Variants in ALMS1 observed in about 807,000 individuals in gnomAD.
ALMS1 encodes ALMS1 centrosome and basal body associated protein.
ALMS1 carries 271 observed loss-of-function variants against 352.2 expected under a neutral mutation model. The observed-to-expected ratio is 0.77, with a 90% confidence interval of 0.70 to 0.85. The LOEUF (loss-of-function observed/expected upper bound fraction) is 0.85, where lower values mean the gene tolerates loss of function less well. Among genes scored for constraint, ALMS1 ranks in the 40% least tolerant of loss-of-function variants. The probability of loss-of-function intolerance (pLI) is 0.00; values close to 1 mark genes in which losing one functional copy is unlikely to be tolerated. For synonymous variants in ALMS1, 1,865 were observed against 1,761.2 expected, an observed-to-expected ratio of 1.06 and a Z score of -1.48; for missense variants, 5,445 against 4,870.7, an observed-to-expected ratio of 1.12 and a Z score of -3.51.
chr2:73,414,087 C>T (rs1223287666), intron 2 of ALMS1, among the ~76,000 whole-genome samples: 2 of 152,212 alleles, frequency 1.3e-5, no homozygotes, highest in East Asian at 3.9e-4. Context: ...ATTAAGATTT[C>T]ATTGAGTCTA....
intron 1 of ALMS1, among the ~76,000 whole-genome samples, chr2:73,394,320 A>G (rs1281261167): frequency 2.6e-5 from 4 of 152,108 alleles, no homozygotes; most frequent in East Asian, 3.9e-4. Context: ...CTGTAGATCA[A>G]TTTGGGAGTA....
chr2:73,548,588 T>C (rs1674367091), intron 12 of ALMS1, among the ~76,000 whole-genome samples: 1 of 152,230 alleles, frequency 6.6e-6, no homozygotes, highest in South Asian at 2.1e-4. Flanking sequence ...GTGTACTCCC[T>C]GGGAGAATTT....
Position 73,600,702 on chromosome 2 carries a change from C to T in ALMS1, c.11693C>T (p.Ala3898Val), listed in dbSNP as rs757210357. The T allele has an allele frequency of 6.2e-7, 1 of 1,613,828 alleles. No individual in the cohort carries two copies. Among genetic ancestry groups the T allele is most frequent in the Admixed American group, 1.7e-5 (1 of 59,980 alleles). ...QAGNLEIVNG[A>V]KKHTRDVGIT... ...GGTAACTTGGAGATTGTGAACGGTG[C>T]CAAAAAACACACTCGAGATGTTGGG... The change falls in exon 18 of 23, where the codon GCC (alanine) becomes GTC (valine). Residue 3898 changes from alanine to valine, a missense_variant. Ala to Val is a moderately conservative substitution (Grantham distance 64). Transcript: ENST00000613296.
intron 10 of ALMS1, among the ~76,000 whole-genome samples, chr2:73,496,587 A>C (rs976423197): frequency 1.3e-5 from 2 of 152,148 alleles, no homozygotes; most frequent in African/African-American, 4.8e-5. Flanking sequence ...AATACTAAGA[A>C]AGAGGATTCC....
intron 9 of ALMS1, among the ~76,000 whole-genome samples, chr2:73,468,994 A>G (rs538449992): frequency 2.0e-5 from 3 of 152,022 alleles, no homozygotes; most frequent in South Asian, 2.1e-4. Flanking sequence ...TTGCTTGTCA[A>G]AAACTGTTGA....
chr2:73,498,601 A>G (rs1673157333), intron 10 of ALMS1, among the ~76,000 whole-genome samples: 1 of 150,856 alleles, frequency 6.6e-6, no homozygotes, highest in Non-Finnish European at 1.5e-5. Context: ...CCATCCTTCT[A>G]CTCTCTATGT....
At chr2:73,456,608 A>T (rs1672072017) in intron 9 of ALMS1, among the ~76,000 whole-genome samples, 1 of 152,200 alleles carries the variant, frequency 6.6e-6, no homozygotes, top group Admixed American at 6.5e-5. Context: ...GGCCTGATTC[A>T]TACAAAGTTT....
At chr2:73,425,370 A>G (rs1049818217) in intron 5 of ALMS1, among the ~76,000 whole-genome samples, 4 of 152,320 alleles carry the variant, frequency 2.6e-5, no homozygotes, top group African/African-American at 9.6e-5. Flanking sequence ...ACAGTATATT[A>G]GGAATGTTAT....
Position 73,573,291 on chromosome 2 carries a change from G to T in ALMS1, c.11414G>T (p.Arg3805Leu), listed in dbSNP as rs201646938. 2 of 1,613,916 alleles carry T rather than the reference G, an allele frequency of 1.2e-6. No individual in the cohort carries two copies. The highest frequency in any genetic ancestry group is 1.7e-6 in the Non-Finnish European group (2 of 1,180,008). The change falls in exon 16 of 23, where the codon CGA (arginine) becomes CTA (leucine). Residue 3805 changes from arginine (R) to leucine (L), a missense_variant. Arg to Leu is a moderately radical substitution (Grantham distance 102). Coordinates refer to ENST00000613296, the MANE Select transcript of ALMS1 (RefSeq NM_001378454.1). ...GAAAGAGTATGCTTGTCACCCAGAC[G>T]AATTAAATTATATAGCAGCATCACC... ...GHERVCLSPR[R>L]IKLYSSITNQ...
chr2:73,584,518 A>G (rs1346378583), intron 16 of ALMS1, among the ~76,000 whole-genome samples: 1 of 152,236 alleles, frequency 6.6e-6, no homozygotes, highest in Non-Finnish European at 1.5e-5. Context: ...CAGAACAACA[A>G]CTGAGTTGGA....
rs139063304 is a variant in ALMS1, at chr2:73,599,922, G to A, written c.11668+401G>A. Among the ~76,000 whole-genome samples the A allele has an allele frequency of 7.0e-4, 107 of 152,344 alleles. 2 individuals carry two copies. The East Asian group carries it at 0.018, about 26-fold the overall frequency. On this transcript the variant is annotated intron_variant, in intron 17 of 22. Coordinates refer to ENST00000613296, the MANE Select transcript of ALMS1 (RefSeq NM_001378454.1). The stretch of plus-strand genomic sequence containing the variant: ...ACCACTAAAACATTGTTTATAGCAG[G>A]AGATTAAAGTGAATTTAGGTGTTCC...
At chr2:73,460,358 C>T (rs1172156284) in intron 9 of ALMS1, among the ~76,000 whole-genome samples, 4 of 152,124 alleles carry the variant, frequency 2.6e-5, no homozygotes, top group African/African-American at 9.7e-5. Flanking sequence ...TTATATCTAT[C>T]TAGAATTGCA....
intron 1 of ALMS1, among the ~76,000 whole-genome samples, chr2:73,389,752 C>T (rs771891655): frequency 1.1e-4 from 17 of 152,006 alleles, no homozygotes; most frequent in Non-Finnish European, 2.2e-4. Context: ...TGCAGTGTCA[C>T]GATCTTGGTT....
At chr2:73,437,593 A>C (rs530847691) in intron 7 of ALMS1, among the ~76,000 whole-genome samples, 1 of 152,276 alleles carries the variant, frequency 6.6e-6, no homozygotes, top group Non-Finnish European at 1.5e-5. Flanking sequence ...GATCGTATCT[A>C]CTGATGTACC....
Position 73,505,185 on chromosome 2 carries a change from C to A in ALMS1, c.9539+13687C>A, listed in dbSNP as rs558363563. 2.6e-5 allele frequency among the ~76,000 whole-genome samples: 4 copies of A among 152,262 alleles called. No homozygotes were observed. The South Asian group carries it at 8.3e-4, about 32-fold the overall frequency. Reference sequence around the variant, plus strand: ...TGTGAATAATGCTGCAGTAAACATACATGTGCATGTGTCTTTATAGTAGAA... The same window carrying A: ...TGTGAATAATGCTGCAGTAAACATAAATGTGCATGTGTCTTTATAGTAGAA... On this transcript the variant is annotated intron_variant, in intron 10 of 22. Transcript: ENST00000613296.
At chr2:73,517,075 CT>C (rs796616968) in intron 10 of ALMS1, among the ~76,000 whole-genome samples, 132 of 151,724 alleles carry the variant, frequency 8.7e-4, no homozygotes, top group African/African-American at 2.8e-3. Context: ...GGAAATTGAC[CT>C]TTTTTTTCTT....
rs533225181 is a variant in ALMS1, at chr2:73,585,793, A to G, written c.11547+12369A>G. On this transcript the variant is annotated intron_variant, in intron 16 of 22. Transcript: ENST00000613296. Reference sequence around the variant, plus strand: ...GCCCTGGCTGGAGTACAATGGCACAATCTCCACTCACTGCAACCACTGCAT... The same window carrying G: ...GCCCTGGCTGGAGTACAATGGCACAGTCTCCACTCACTGCAACCACTGCAT... Among the ~76,000 whole-genome samples the G allele has an allele frequency of 3.8e-4, 53 of 139,784 alleles. 1 individual carries two copies. The highest frequency in any genetic ancestry group is 3.4e-3 in the Admixed American group (47 of 13,734). 91.7% of individuals were successfully genotyped at this position (139,784 alleles called of 152,430 possible).
chr2:73,403,986 A>T (rs1240682127), intron 1 of ALMS1, among the ~76,000 whole-genome samples: 2 of 151,874 alleles, frequency 1.3e-5, no homozygotes, highest in African/African-American at 4.8e-5. Context: ...TGCAACCTCC[A>T]CCTCCTGGGT....
chr2:73,448,521 C>T lies in ALMS1; in HGVS notation c.1994C>T (p.Ser665Phe). 6.2e-7 allele frequency: 1 copy of T among 1,613,826 alleles called. No homozygotes were observed. Among genetic ancestry groups the T allele is most frequent in the South Asian group, 1.1e-5 (1 of 91,074 alleles). The change falls in exon 8 of 23, where the codon TCC becomes TTC. Residue 665 changes from serine (S) to phenylalanine (F), a missense_variant. By Grantham distance (155) the Ser-to-Phe change is radical (BLOSUM62 -2). Coordinates refer to ENST00000613296, the MANE Select transcript of ALMS1 (RefSeq NM_001378454.1). ...VEQKTGIPTV[S>F]STSHSHVEDL... ...CAGAAGACGGGAATACCTACAGTAT[C>T]CTCTACATCCCACTCACATGTAGAG...
Sources: allele counts gnomAD v4.1 joint callset (sites outside exome capture counted in the v4.1 genomes callset), GRCh38; gene constraint gnomAD v4.1.1; transcripts MANE v1.5; gene names NCBI Gene and HGNC (gene_info 2026-07-23, HGNC 2026-07-21).